The following LLPH variants were observed in gnomAD, a reference collection of about 807,000 sequenced individuals.
LLPH encodes the protein protein LLP homolog.
A neutral mutation model predicts 13.3 loss-of-function variants in LLPH; 5 were observed. The ratio of observed to expected loss-of-function variants is 0.38; its 90% CI spans 0.20 to 0.79. The LOEUF (loss-of-function observed/expected upper bound fraction) is 0.79. Ranked by LOEUF, LLPH falls within the 30% of genes least tolerant of loss-of-function variation. The pLI is 0.45. For synonymous variants in LLPH, 32 were observed against 44.2 expected, an observed-to-expected ratio of 0.72 and a Z score of 1.09; for missense variants, 129 against 152.1, an observed-to-expected ratio of 0.85 and a Z score of 0.80.
In LLPH at chr12:66,121,623, G is replaced by C. The variant is rs574851202; in HGVS notation, c.*2217C>G. Reference sequence around the variant, plus strand: ...CATTAGGCCGGGTGTGGTGGCTCACGCATGTAATCCCACCACTTTGGGAGG... The same window carrying C: ...CATTAGGCCGGGTGTGGTGGCTCACCCATGTAATCCCACCACTTTGGGAGG... On this transcript the variant is annotated 3_prime_UTR_variant, in exon 3 of 3. Coordinates refer to ENST00000266604, the MANE Select transcript of LLPH (RefSeq NM_032338.4). The C allele has an allele frequency of 6.6e-6, 1 of 151,668 alleles. No individual in the cohort carries two copies. The highest frequency in any genetic ancestry group is 2.1e-4 in the South Asian group (1 of 4,784). 9.4% of individuals were successfully genotyped at this position (151,668 alleles called of 1,614,324 possible).
rs2051432188 is a variant in LLPH at position 66,117,008 on chromosome 12, T to C, written c.*6832A>G. On this transcript the variant is annotated 3_prime_UTR_variant, in exon 3 of 3. Coordinates refer to ENST00000266604, the MANE Select transcript of LLPH (RefSeq NM_032338.4). ...CCAAAAAGATACTTAAGTCTACAGT[T>C]ATGTAGTACCAAAAAACTATGTAGA... 6.6e-6 allele frequency: 1 copy of C among 152,176 alleles called. No individual in the cohort carries two copies. The highest frequency in any genetic ancestry group is 1.5e-5 in the Non-Finnish European group (1 of 68,022). The allele number at this position is 152,176 out of a possible 1,614,324, so 9.4% of individuals were successfully genotyped here. A position where few individuals can be genotyped will look rare whatever the true frequency, so the allele number is the denominator to read the frequency against.
intron 1 of LLPH, among the ~76,000 whole-genome samples, chr12:66,129,660 C>T (rs917416251): frequency 6.6e-6 from 1 of 152,226 alleles, no homozygotes; most frequent in Non-Finnish European, 1.5e-5. Context: ...GCTGGGATTA[C>T]AGGCTTGAGC....
chr12:66,125,327 C>G (rs2051489514), intron 2 of LLPH, among the ~76,000 whole-genome samples: 1 of 152,002 alleles, frequency 6.6e-6, no homozygotes, highest in South Asian at 2.1e-4. Flanking sequence ...ATTTTTGGGA[C>G]AATCAGTAAG....
Position 66,123,721 on chromosome 12 carries a change from C to G in LLPH, c.*119G>C, listed in dbSNP as rs2051478367. The G allele has an allele frequency of 1.1e-5, 12 of 1,108,860 alleles. No individual in the cohort carries two copies. The highest frequency in any genetic ancestry group is 1.5e-5 in the Non-Finnish European group (12 of 780,208). The allele number at this position is 1,108,860 out of a possible 1,614,324, so 68.7% of individuals were successfully genotyped here. ...TGGGTTTGAATTGAAGAAAAAAGGC[C>G]AAGTTAAAATAGGAAAACAAATGGT... On this transcript the variant is annotated 3_prime_UTR_variant, in exon 3 of 3. Transcript: ENST00000266604.
At position 66,129,120 on chromosome 12, in the gene LLPH, T is replaced by C; in HGVS notation, c.-7-7A>G. On this transcript the variant is annotated splice_polypyrimidine_tract_variant and splice_region_variant and intron_variant, in intron 1 of 2. Coordinates refer to ENST00000266604, the MANE Select transcript of LLPH (RefSeq NM_032338.4). ...GCTTTTAGCCATGTTTTACCTGAAGTTAACAAAAACACACATTCAAAAGCA... is the reference window on the plus strand; with the variant it reads ...GCTTTTAGCCATGTTTTACCTGAAGCTAACAAAAACACACATTCAAAAGCA... The C allele has an allele frequency of 6.4e-7, 1 of 1,566,440 alleles. No individual in the cohort carries two copies. The highest frequency in any genetic ancestry group is 1.2e-5 in the South Asian group (1 of 86,920).
Position 66,128,960 on chromosome 12 carries a change from A to G in LLPH, c.147T>C (p.Thr49=), listed in dbSNP as rs762937222. The G allele has an allele frequency of 2.5e-6, 4 of 1,613,612 alleles. No homozygotes were observed. Among genetic ancestry groups the G allele is most frequent in the Non-Finnish European group, 2.5e-6 (3 of 1,179,640 alleles). ...VLMKDVQEIA[T]VVVPKPKHCQ... is the part of the protein sequence containing the mutation. ...AATGTTTGGGTTTGGGTACCACCAC[A>G]GTTGCTATCTCTTGAACATCTTTCA... The change falls in exon 2 of 3, where the codon ACT becomes ACC. Residue 49 remains threonine, a synonymous_variant. Transcript: ENST00000266604.
rs1052361785 is a variant in LLPH, at chr12:66,117,445, A to G, written c.*6395T>C. 1.9e-4 allele frequency: 29 copies of G among 152,234 alleles called. No homozygotes were observed. Among genetic ancestry groups the G allele is most frequent in the African/African-American group, 7.0e-4 (29 of 41,458 alleles). 9.4% of individuals were successfully genotyped at this position (152,234 alleles called of 1,614,324 possible). On this transcript the variant is annotated 3_prime_UTR_variant, in exon 3 of 3. Coordinates refer to ENST00000266604, the MANE Select transcript of LLPH (RefSeq NM_032338.4). ...GTGACACTGTAGCCATCTTAACATC[A>G]CAGTGCAATGCATTACTCACGTGTT...
In LLPH at chr12:66,117,111, G is replaced by A. The variant is rs2136824192; in HGVS notation, c.*6729C>T. The stretch of plus-strand genomic sequence containing the variant: ...TTTTTGGCTGAAAAGAACTTTAACA[G>A]CTTTCAACCCAAATTCCAAGAACAG... On this transcript the variant is annotated 3_prime_UTR_variant, in exon 3 of 3. Transcript: ENST00000266604. 1 of 152,204 alleles carries A rather than the reference G, an allele frequency of 6.6e-6. No individual in the cohort carries two copies. 9.4% of individuals were successfully genotyped at this position (152,204 alleles called of 1,614,324 possible). A position where few individuals can be genotyped will look rare whatever the true frequency, so the allele number is the denominator to read the frequency against.
intron 2 of LLPH, among the ~76,000 whole-genome samples, chr12:66,128,404 T>C (rs150401022): frequency 6.6e-6 from 1 of 152,246 alleles, no homozygotes; most frequent in East Asian, 1.9e-4. Flanking sequence ...CAAAATGAAA[T>C]AGTGAAACCC....
intron 2 of LLPH, among the ~76,000 whole-genome samples, chr12:66,124,969 G>A (rs578015165): frequency 1.3e-5 from 2 of 152,218 alleles, no homozygotes; most frequent in South Asian, 2.1e-4. Context: ...GGGGTGGGAG[G>A]ATCATTTGAG....
chr12:66,126,859 A>G (rs896150306), intron 2 of LLPH, among the ~76,000 whole-genome samples: 2 of 151,664 alleles, frequency 1.3e-5, no homozygotes, highest in Non-Finnish European at 2.9e-5. Flanking sequence ...TGAACCTGGG[A>G]GGCAGAGGTT....
At chr12:66,126,605 A>G (rs957543542) in intron 2 of LLPH, among the ~76,000 whole-genome samples, 3 of 152,116 alleles carry the variant, frequency 2.0e-5, no homozygotes, top group African/African-American at 7.2e-5. Context: ...ACCTTTCTCC[A>G]AAAAGATAAT....
chr12:66,126,196 C>T (rs1028117220), intron 2 of LLPH, among the ~76,000 whole-genome samples: 2 of 151,774 alleles, frequency 1.3e-5, no homozygotes, highest in Admixed American at 6.6e-5. Flanking sequence ...TGATCGCAGG[C>T]GCCTGTAGTC....
rs187428348 is a variant in LLPH, at chr12:66,124,537, C to T, written c.212-519G>A. On this transcript the variant is annotated intron_variant, in intron 2 of 2. Transcript: ENST00000266604. ...GCATACTTTTCCTAGCTAGGTAACA[C>T]CCAGAGATCCAGCTCTACTGATAGG... Among the ~76,000 whole-genome samples, 25 of 152,280 alleles carry T rather than the reference C, an allele frequency of 1.6e-4. No homozygotes were observed. The East Asian group carries it at 2.1e-3, about 13-fold the overall frequency.
At position 66,121,247 on chromosome 12, in the gene LLPH, T is replaced by G. The variant is rs949105985; in HGVS notation, c.*2593A>C. On this transcript the variant is annotated 3_prime_UTR_variant, in exon 3 of 3. Coordinates refer to ENST00000266604, the MANE Select transcript of LLPH (RefSeq NM_032338.4). ...CCTGACAATGCTGCCAAAATGTAAA[T>G]AAGTGCCAACTGTGTAATATCACGA... The G allele has an allele frequency of 2.0e-5, 3 of 150,006 alleles. No homozygotes were observed. Among genetic ancestry groups the G allele is most frequent in the Non-Finnish European group, 4.4e-5 (3 of 67,728 alleles). 9.3% of individuals were successfully genotyped at this position (150,006 alleles called of 1,614,324 possible).
At chr12:66,130,544 C>A (rs1318571658) in intron 1 of LLPH, 161 bp downstream of exon 1, 5 of 152,220 alleles carry the variant, frequency 3.3e-5, no homozygotes, top group African/African-American at 1.2e-4. Flanking sequence ...AGGGCCCCCA[C>A]CAAAAAGAGC....
intron 2 of LLPH, 37 bp downstream of exon 2, chr12:66,128,848 CAAAAAAAAAAA>C (rs71096072): frequency 1.4e-4 from 135 of 997,838 alleles, no homozygotes; most frequent in Non-Finnish European, 1.8e-4. Flanking sequence ...GACCCTGCCT[CAAAAAAAAAAA>C]AAAAAAAAGA....
intron 2 of LLPH, among the ~76,000 whole-genome samples, chr12:66,125,623 G>GA (rs918234085): frequency 8.7e-5 from 13 of 150,106 alleles, no homozygotes; most frequent in Admixed American, 1.3e-4. Flanking sequence ...GGATGATGAG[G>GA]AAAAAAAAAG....
rs2051467648 is a variant in LLPH, at chr12:66,122,172, T to C, written c.*1668A>G. On this transcript the variant is annotated 3_prime_UTR_variant, in exon 3 of 3. Coordinates refer to ENST00000266604, the MANE Select transcript of LLPH (RefSeq NM_032338.4). ...TGAGAAAAATAAGAAAAGTCTACTA[T>C]ATTTAAACAATTCCAAGAGTTTACT... is the stretch of plus-strand genomic sequence containing the variant. The C allele has an allele frequency of 6.6e-6, 1 of 152,196 alleles. No individual in the cohort carries two copies. Among genetic ancestry groups the C allele is most frequent in the Admixed American group, 6.5e-5 (1 of 15,270 alleles). 9.4% of individuals were successfully genotyped at this position (152,196 alleles called of 1,614,324 possible).
Sources: gnomAD v4.1 joint callset for allele counts (sites outside exome capture counted in the v4.1 genomes callset) on GRCh38, gnomAD v4.1.1 for gene constraint, MANE v1.5 for transcripts, NCBI Gene and HGNC (gene_info 2026-07-23, HGNC 2026-07-21) for gene names.